The following CPEB2 variants were observed in gnomAD, a reference collection of about 807,000 sequenced individuals.
CPEB2 encodes cytoplasmic polyadenylation element-binding protein 2.
In CPEB2, 56 loss-of-function variants were observed where a neutral mutation model predicts 93.6. The observed-to-expected ratio is 0.60, with a 90% confidence interval of 0.48 to 0.75. CPEB2 has a LOEUF of 0.75. Among genes scored for constraint, CPEB2 ranks in the 30% least tolerant of loss-of-function variants. The pLI is 0.00. For missense variants in CPEB2, 1,579 were observed against 1,395.1 expected, an observed-to-expected ratio of 1.13 and a Z score of -2.10; for synonymous variants, 764 against 586.3, an observed-to-expected ratio of 1.30 and a Z score of -4.38.
Position 15,052,524 on chromosome 4 carries a change from C to G in CPEB2, c.2311C>G (p.Arg771Gly). ...TCYSAHQNGE[R>G]IERFSRKVFV... Reference sequence around the variant, plus strand: ...TTATTCAGCTCACCAAAATGGAGAGCGAATAGAACGCTTCTCTCGAAAAGT... The same window carrying G: ...TTATTCAGCTCACCAAAATGGAGAGGGAATAGAACGCTTCTCTCGAAAAGT... The change falls in exon 7 of 12, where the codon CGA (arginine) becomes GGA (glycine). Residue 771 changes from arginine to glycine, a missense_variant. Around this residue, in one of 2 missense-constraint regions of CPEB2, gnomAD observed 168 missense variants for 339.1 expected, o/e 0.50. Coordinates refer to ENST00000538197, the MANE Select transcript of CPEB2 (RefSeq NM_001177382.2). 6.3e-7 allele frequency: 1 copy of G among 1,587,690 alleles called. No individual in the cohort carries two copies. The highest frequency in any genetic ancestry group is 8.6e-7 in the Non-Finnish European group (1 of 1,163,178).
Position 15,003,447 on chromosome 4 carries a change from G to GC in CPEB2, c.779dup (p.Leu261AlafsTer67). The GC allele has an allele frequency of 1.5e-6, 2 of 1,361,630 alleles. No homozygotes were observed. Among genetic ancestry groups the GC allele is most frequent in the East Asian group, 3.1e-5 (1 of 32,232 alleles). The allele number at this position is 1,361,630 out of a possible 1,614,324, so 84.3% of individuals were successfully genotyped here. A position where few individuals can be genotyped will look rare whatever the true frequency, so the allele number is the denominator to read the frequency against. ...CCCCGCGGCAGCGTCCGGCAGACCTGCCCCCGCTCCCGCAGCTCCCTCCCT... is the reference window on the plus strand; with the variant it reads ...CCCCGCGGCAGCGTCCGGCAGACCTGCCCCCCGCTCCCGCAGCTCCCTCCCT... On this transcript the variant is annotated frameshift_variant, in exon 1 of 12. Transcript: ENST00000538197. LOFTEE classifies it high-confidence loss of function.
At chr4:15,011,606 C>A (rs532826997) in intron 3 of CPEB2, among the ~76,000 whole-genome samples, 8 of 151,984 alleles carry the variant, frequency 5.3e-5, no homozygotes, top group Non-Finnish European at 5.9e-5. Flanking sequence ...AGTCCAGCCT[C>A]GGCAACATAA....
At chr4:15,048,535 A>T (rs542209055) in intron 6 of CPEB2, among the ~76,000 whole-genome samples, 1 of 151,780 alleles carries the variant, frequency 6.6e-6, no homozygotes, top group Non-Finnish European at 1.5e-5. Flanking sequence ...TAATCTTTTA[A>T]TGTTTGTAAG....
chr4:15,025,471 T>C lies in CPEB2; in HGVS notation c.2126-7690T>C, dbSNP rs139698340. ...CAAAAAATGGGGATTGGAAGCTCAA[T>C]GTATATAGTTGAAATTATCAACTAG... On this transcript the variant is annotated intron_variant, in intron 4 of 11. Coordinates refer to ENST00000538197, the MANE Select transcript of CPEB2 (RefSeq NM_001177382.2). Among the ~76,000 whole-genome samples, 747 of 152,160 alleles carry C rather than the reference T, an allele frequency of 4.9e-3. 8 individuals carry two copies. The highest frequency in any genetic ancestry group is 0.017 in the African/African-American group (695 of 41,510).
At position 15,003,120 on chromosome 4, in the gene CPEB2, C is replaced by T. The variant is rs1191527538; in HGVS notation, c.447C>T (p.Ser149=). 2 of 1,532,826 alleles carry T rather than the reference C, an allele frequency of 1.3e-6. No individual in the cohort carries two copies. Among genetic ancestry groups the T allele is most frequent in the Non-Finnish European group, 1.7e-6 (2 of 1,145,728 alleles). The allele number at this position is 1,532,826 out of a possible 1,614,324, so 95.0% of individuals were successfully genotyped here. Residue 149 remains serine, a synonymous_variant, in exon 1 of 12, where the codon TCC becomes TCT. Transcript: ENST00000538197. The part of the protein sequence containing the change: ...DFKPSLHHPS[S]SSASSCCCCR... ...AACCGAGTCTGCACCACCCCTCCTC[C>T]TCCTCCGCCTCCTCCTGCTGCTGCT...
intron 10 of CPEB2, among the ~76,000 whole-genome samples, chr4:15,060,252 T>C (rs890389891): frequency 3.3e-5 from 5 of 152,126 alleles, no homozygotes; most frequent in Admixed American, 3.3e-4. Flanking sequence ...GGTCAAATCA[T>C]ACAAGTCTAA....
chr4:15,023,151 C>G lies in CPEB2; in HGVS notation c.2125+5873C>G, dbSNP rs74609606. 3.9e-3 allele frequency among the ~76,000 whole-genome samples: 598 copies of G among 152,062 alleles called. 2 individuals are homozygous for G. Among genetic ancestry groups the G allele is most frequent in the African/African-American group, 0.014 (577 of 41,532 alleles). Reference sequence around the variant, plus strand: ...ATGTGCTTACTGCAATCCTGTTACTCACCACAAAACATCTTTCATATGATT... The same window carrying G: ...ATGTGCTTACTGCAATCCTGTTACTGACCACAAAACATCTTTCATATGATT... On this transcript the variant is annotated intron_variant, in intron 4 of 11. Transcript: ENST00000538197.
intron 3 of CPEB2, among the ~76,000 whole-genome samples, chr4:15,012,538 T>G (rs1375185181): frequency 2.6e-5 from 4 of 152,168 alleles, no homozygotes; most frequent in Non-Finnish European, 4.4e-5. Flanking sequence ...GTTATCTATG[T>G]AGAACAACTA....
chr4:15,012,820 G>A (rs983874465), intron 3 of CPEB2, among the ~76,000 whole-genome samples: 3 of 152,064 alleles, frequency 2.0e-5, no homozygotes, highest in African/African-American at 4.8e-5. Context: ...TTAAATATAA[G>A]AATATAGGGG....
intron 5 of CPEB2, among the ~76,000 whole-genome samples, chr4:15,037,510 C>T (rs1726734220): frequency 6.6e-6 from 1 of 152,184 alleles, no homozygotes; most frequent in South Asian, 2.1e-4. Flanking sequence ...AGAGCCAATA[C>T]ATATGACCCT....
At chr4:15,005,342 TCTACAAGGGAATATGTGGG>T (rs1014063323) in intron 1 of CPEB2, among the ~76,000 whole-genome samples, 19 of 152,366 alleles carry the variant, frequency 1.2e-4, no homozygotes, top group African/African-American at 3.8e-4. Flanking sequence ...GCCTTAACCT[TCTACAAGGGAATATGTGGG>T]CCGTGTGTAT....
At chr4:15,019,542 C>T (rs1201536773) in intron 4 of CPEB2, among the ~76,000 whole-genome samples, 2 of 151,886 alleles carry the variant, frequency 1.3e-5, no homozygotes, top group African/African-American at 4.8e-5. Flanking sequence ...CAGTATTTCG[C>T]CCTCTGTCTC....
At chr4:15,062,632 A>G (rs534360939) in intron 11 of CPEB2, among the ~76,000 whole-genome samples, 6 of 152,186 alleles carry the variant, frequency 3.9e-5, no homozygotes, top group Non-Finnish European at 8.8e-5. Context: ...CTCACTTGTA[A>G]AATAGAAAAC....
chr4:15,012,318 A>G (rs191562393), intron 3 of CPEB2, among the ~76,000 whole-genome samples: 42 of 151,888 alleles, frequency 2.8e-4, no homozygotes, highest in Admixed American at 1.8e-3. Context: ...TGTGAGTACT[A>G]GAATAGCTTT....
chr4:15,020,577 A>G (rs1379436885), intron 4 of CPEB2, among the ~76,000 whole-genome samples: 1 of 152,112 alleles, frequency 6.6e-6, no homozygotes, highest in African/African-American at 2.4e-5. Flanking sequence ...GACAGTAGGG[A>G]ACCTCCATTG....
At chr4:15,006,819 TTTG>T (rs1396846077) in intron 1 of CPEB2, among the ~76,000 whole-genome samples, 1 of 152,184 alleles carries the variant, frequency 6.6e-6, no homozygotes, top group Non-Finnish European at 1.5e-5. Context: ...AATTCCCACT[TTTG>T]TAGTAGTGCA....
rs1158404666 is a variant in CPEB2 at position 15,059,068 on chromosome 4, G to T, written c.2581-119G>T. 5.6e-5 allele frequency: 30 copies of T among 536,220 alleles called. No individual in the cohort carries two copies. In the South Asian group the frequency reaches 6.1e-4, roughly 11 times the overall value. The allele number at this position is 536,220 out of a possible 1,614,324, so 33.2% of individuals were successfully genotyped here. A position where few individuals can be genotyped will look rare whatever the true frequency, so the allele number is the denominator to read the frequency against. On this transcript the variant is annotated intron_variant, in intron 9 of 11. Transcript: ENST00000538197. ...AAGTTATAAAAATAATTTGTTTCCA[G>T]ATCCCACTATACAAATTTTTAAGCA... is the stretch of plus-strand genomic sequence containing the variant.
intron 4 of CPEB2, among the ~76,000 whole-genome samples, chr4:15,026,781 CT>C (rs1452641180): frequency 6.6e-6 from 1 of 152,144 alleles, no homozygotes; most frequent in African/African-American, 2.4e-5. Flanking sequence ...TATAACCATT[CT>C]GGTATAGTTG....
At chr4:15,052,654 T>TTAA (rs1334515712) in intron 7 of CPEB2, 70 bp downstream of exon 7, 38 of 1,052,956 alleles carry the variant, frequency 3.6e-5, no homozygotes, top group Non-Finnish European at 4.8e-5. Context: ...TGAAATTTAA[T>TTAA]GTGAATGGAC....
Sources: allele counts gnomAD v4.1 joint callset (sites outside exome capture counted in the v4.1 genomes callset), GRCh38; gene constraint gnomAD v4.1.1; regional missense constraint gnomAD v4.1.1; transcripts MANE v1.5; gene names NCBI Gene and HGNC (gene_info 2026-07-23, HGNC 2026-07-21).